RIC1: variants seen among roughly 807,000 people sequenced by gnomAD.
RIC1 encodes RIC1 partner of RAB6A GEF complex, also known as guanine nucleotide exchange factor subunit RIC1.
Under a neutral mutation model 169.0 loss-of-function variants are expected in RIC1, and 88 were observed. The observed-to-expected ratio is 0.52, with a 90% CI of 0.44 to 0.62. The LOEUF is 0.62. Among genes scored for constraint, RIC1 ranks in the 20% least tolerant of loss-of-function variants. The pLI, the probability that RIC1 is intolerant of heterozygous loss-of-function variation, is 0.00. For synonymous variants in RIC1, 790 were observed against 601.5 expected (o/e 1.31, Z -4.59); for missense variants, 1,877 against 1,725.5 (o/e 1.09, Z -1.56).
At chr9:5,712,235 C>A (rs1366064415) in intron 3 of RIC1, among the ~76,000 whole-genome samples, 1 of 152,160 alleles carries the variant, frequency 6.6e-6, no homozygotes, top group Non-Finnish European at 1.5e-5. Context: ...TCTCCAGCAC[C>A]TGTTGTTTCC....
chr9:5,694,490 TCA>T (rs912664980), intron 3 of RIC1, among the ~76,000 whole-genome samples: 9 of 152,354 alleles, frequency 5.9e-5, no homozygotes, highest in African/African-American at 1.7e-4. Context: ...TAATTTGATT[TCA>T]GTGTGTTTAT....
At chr9:5,717,913 G>A (rs1202040456) in intron 4 of RIC1, among the ~76,000 whole-genome samples, 2 of 151,350 alleles carry the variant, frequency 1.3e-5, no homozygotes, top group Non-Finnish European at 2.9e-5. Flanking sequence ...GCCAAGGTGG[G>A]TCGATCACCT....
intron 6 of RIC1, among the ~76,000 whole-genome samples, chr9:5,731,413 G>C (rs1452245482): frequency 6.6e-6 from 1 of 152,116 alleles, no homozygotes; most frequent in Non-Finnish European, 1.5e-5. Flanking sequence ...TTAGATAGTA[G>C]ATTATATAGC....
intron 1 of RIC1, among the ~76,000 whole-genome samples, chr9:5,631,679 C>G (rs1316802823): frequency 7.5e-6 from 1 of 134,082 alleles, no homozygotes; most frequent in Non-Finnish European, 1.5e-5. Flanking sequence ...GAGCAAGACT[C>G]TGTCTCAAAA....
chr9:5,715,414 G>C (rs1823172868), intron 4 of RIC1, among the ~76,000 whole-genome samples: 1 of 152,152 alleles, frequency 6.6e-6, no homozygotes, highest in African/African-American at 2.4e-5. Context: ...TTTAATCTAT[G>C]AATTTAGGTG....
intron 17 of RIC1, among the ~76,000 whole-genome samples, chr9:5,757,772 G>A (rs190844609): frequency 1.4e-4 from 21 of 152,286 alleles, no homozygotes; most frequent in South Asian, 1.2e-3. Flanking sequence ...AGGAGAATAA[G>A]TAGAAATTAT....
intron 2 of RIC1, among the ~76,000 whole-genome samples, chr9:5,677,384 C>A (rs1406879824): frequency 6.6e-6 from 1 of 151,974 alleles, no homozygotes; most frequent in Non-Finnish European, 1.5e-5. Flanking sequence ...TCCTTGATTT[C>A]TTGTTGTTAA....
intron 3 of RIC1, among the ~76,000 whole-genome samples, chr9:5,706,077 T>C (rs1046007287): frequency 6.6e-6 from 1 of 152,240 alleles, no homozygotes; most frequent in African/African-American, 2.4e-5. Flanking sequence ...TTTTTACATC[T>C]ATATTCATAA....
intron 3 of RIC1, among the ~76,000 whole-genome samples, chr9:5,696,598 C>G (rs1212230772): frequency 6.8e-6 from 1 of 147,760 alleles, no homozygotes; most frequent in African/African-American, 2.5e-5. Flanking sequence ...TACCTTCTTA[C>G]TTAAAAAAAA....
chr9:5,642,639 A>G (rs1199595488), intron 1 of RIC1, among the ~76,000 whole-genome samples: 1 of 144,904 alleles, frequency 6.9e-6, no homozygotes, highest in Non-Finnish European at 1.5e-5. Context: ...TCCCCTGTCC[A>G]CAGGCAGAGG....
chr9:5,713,945 G>A lies in RIC1; in HGVS notation c.382G>A (p.Ala128Thr). 1 of 1,613,276 alleles carries A rather than the reference G, an allele frequency of 6.2e-7. No individual in the cohort carries two copies. The highest frequency in any genetic ancestry group is 8.5e-7 in the Non-Finnish European group (1 of 1,179,476). Residue 128 changes from alanine to threonine, a missense_variant, in exon 4 of 26, where the codon GCT becomes ACT. By Grantham distance (58) the Ala-to-Thr change is moderately conservative (BLOSUM62 0). Transcript: ENST00000414202. ...ACCCCATTTTAAGGAAGAACAGTGT[G>A]CTCCAGCATTAAATTTGGAGATGAG... Reference protein sequence around the residue: ...GTPHFKEEQCAPALNLEMRKI... With the variant: ...GTPHFKEEQCTPALNLEMRKI...
intron 3 of RIC1, among the ~76,000 whole-genome samples, chr9:5,709,405 TTTGA>T (rs1822796272): frequency 6.6e-6 from 1 of 152,184 alleles, no homozygotes; most frequent in Non-Finnish European, 1.5e-5. Flanking sequence ...AATATTAGAG[TTTGA>T]TTATCAGCTC....
intron 1 of RIC1, among the ~76,000 whole-genome samples, chr9:5,644,915 A>G (rs973646639): frequency 6.6e-6 from 1 of 152,156 alleles, no homozygotes; most frequent in Non-Finnish European, 1.5e-5. Flanking sequence ...CACCCGTTCT[A>G]GAGGGTTTGT....
intron 6 of RIC1, among the ~76,000 whole-genome samples, chr9:5,722,281 G>A (rs1823646827): frequency 1.5e-5 from 2 of 133,158 alleles, no homozygotes; most frequent in African/African-American, 5.8e-5. Context: ...TTTTTACCCC[G>A]AGGAACTATA....
intron 1 of RIC1, among the ~76,000 whole-genome samples, chr9:5,649,375 G>A (rs1818682600): frequency 6.6e-6 from 1 of 151,998 alleles, no homozygotes; most frequent in African/African-American, 2.4e-5. Context: ...TGTCATGTAG[G>A]CTTTGTTCAT....
At chr9:5,725,560 C>G (rs1396791944) in intron 6 of RIC1, among the ~76,000 whole-genome samples, 1 of 152,162 alleles carries the variant, frequency 6.6e-6, no homozygotes, top group East Asian at 1.9e-4. Context: ...CTATCTCCTT[C>G]AGTTCTGCTC....
At chr9:5,753,979 T>A (rs1825861365) in intron 14 of RIC1, among the ~76,000 whole-genome samples, 1 of 152,186 alleles carries the variant, frequency 6.6e-6, no homozygotes, top group Non-Finnish European at 1.5e-5. Flanking sequence ...TTGAGATCAT[T>A]CCATGCCTAT....
intron 4 of RIC1, among the ~76,000 whole-genome samples, chr9:5,717,639 G>A (rs1311078663): frequency 6.6e-6 from 1 of 152,120 alleles, no homozygotes; most frequent in Non-Finnish European, 1.5e-5. Flanking sequence ...GAGGTCAGGA[G>A]TTCAAAACCA....
intron 3 of RIC1, among the ~76,000 whole-genome samples, chr9:5,709,393 T>C (rs909077343): frequency 3.3e-5 from 5 of 152,202 alleles, no homozygotes; most frequent in African/African-American, 4.8e-5. Context: ...CTTAGAGCCT[T>C]AAATATTAGA....
Sources: allele counts gnomAD v4.1 joint callset (sites outside exome capture counted in the v4.1 genomes callset), GRCh38; gene constraint gnomAD v4.1.1; transcripts MANE v1.5; gene names NCBI Gene and HGNC (gene_info 2026-07-23, HGNC 2026-07-21).